The following POLN variants were observed in gnomAD, a reference collection of about 807,000 sequenced individuals.
POLN encodes DNA polymerase N.
POLN carries 108 observed loss-of-function variants against 113.5 expected under a neutral mutation model. The observed-to-expected ratio is 0.95, with a 90% CI of 0.81 to 1.12. POLN has a LOEUF of 1.12. POLN is among the 50% of genes most tolerant of loss of function. The pLI is 0.00. For synonymous variants in POLN, 386 were observed against 391.5 expected (o/e 0.99, Z 0.17); for missense variants, 1,097 against 1,077.1 (o/e 1.02, Z -0.26).
intron 6 of POLN, among the ~76,000 whole-genome samples, chr4:2,194,950 A>C (rs1392104785): frequency 1.3e-5 from 2 of 151,516 alleles, no homozygotes; most frequent in Non-Finnish European, 2.9e-5. Context: ...ACATACATAT[A>C]TATATTTATA....
chr4:2,174,029 G>A lies in POLN; in HGVS notation c.1310-10C>T, dbSNP rs757958764. Reference sequence around the variant, plus strand: ...GCATGGCTTTCCATCACTGTGATTCGAAACCCAAACCAGATCATATTTGCA... The same window carrying A: ...GCATGGCTTTCCATCACTGTGATTCAAAACCCAAACCAGATCATATTTGCA... On this transcript the variant is annotated splice_polypyrimidine_tract_variant and intron_variant, in intron 10 of 25. Coordinates refer to ENST00000511885, the MANE Select transcript of POLN (RefSeq NM_181808.4). 1.6e-5 allele frequency: 26 copies of A among 1,613,630 alleles called. No homozygotes were observed. Among genetic ancestry groups the A allele is most frequent in the East Asian group, 8.9e-5 (4 of 44,876 alleles).
chr4:2,137,766 A>G (rs764736477), intron 16 of POLN, among the ~76,000 whole-genome samples: 1 of 151,902 alleles, frequency 6.6e-6, no homozygotes, highest in Non-Finnish European at 1.5e-5. Flanking sequence ...ATCGTTTCTC[A>G]TTCCACATGC....
At position 2,195,388 on chromosome 4, in the gene POLN, C is replaced by T. The variant is rs553609536; in HGVS notation, c.909-2072G>A. 2.6e-5 allele frequency among the ~76,000 whole-genome samples: 4 copies of T among 151,006 alleles called. No homozygotes were observed. In the South Asian group the frequency reaches 8.4e-4, roughly 32 times the overall value. On this transcript the variant is annotated intron_variant, in intron 6 of 25. Transcript: ENST00000511885. The stretch of plus-strand genomic sequence containing the variant: ...CACACTACTGAACACAAATGAAAGT[C>T]ATGTGGTGGGGTTGGCAGTGGGGTA...
chr4:2,187,106 A>G (rs190947321), intron 7 of POLN, among the ~76,000 whole-genome samples: 1 of 152,316 alleles, frequency 6.6e-6, no homozygotes, highest in Non-Finnish European at 1.5e-5. Flanking sequence ...AAGGACACCT[A>G]TAAGATATAG....
At chr4:2,200,652 C>T (rs1444321641) in intron 5 of POLN, among the ~76,000 whole-genome samples, 1 of 152,120 alleles carries the variant, frequency 6.6e-6, no homozygotes, top group Non-Finnish European at 1.5e-5. Flanking sequence ...AGCCACATCC[C>T]TAGGAAAATG....
At chr4:2,090,248 A>G (rs985520835) in intron 20 of POLN, 46 of 799,646 alleles carry the variant, frequency 5.8e-5, no homozygotes, top group Non-Finnish European at 8.6e-5. Context: ...TCTACATGCT[A>G]TCTTGTTCCA....
intron 23 of POLN, among the ~76,000 whole-genome samples, chr4:2,077,706 A>C (rs1354829743): frequency 6.6e-6 from 1 of 152,226 alleles, no homozygotes; most frequent in Non-Finnish European, 1.5e-5. Flanking sequence ...TCTTGAAATT[A>C]CATTGTGAAA....
intron 23 of POLN, chr4:2,080,002 T>C: frequency 5.1e-6 from 5 of 985,440 alleles, no homozygotes; most frequent in Non-Finnish European, 6.0e-6. Context: ...GGGCAGTGCT[T>C]AGACCCCCAC....
chr4:2,224,190 C>T (rs1373770649), intron 3 of POLN, among the ~76,000 whole-genome samples: 1 of 152,002 alleles, frequency 6.6e-6, no homozygotes, highest in Non-Finnish European at 1.5e-5. Context: ...AAAACTAAGA[C>T]ACACACACAC....
In POLN at chr4:2,129,377, C is replaced by A. The variant is rs549047888; in HGVS notation, c.1790-121G>T. On this transcript the variant is annotated intron_variant, in intron 17 of 25. Transcript: ENST00000511885. Reference sequence around the variant, plus strand: ...CCAGAGTTAAGATTTTAAATTTTTCCGAATATTTTTATTAATTTAATTATT... The same window carrying A: ...CCAGAGTTAAGATTTTAAATTTTTCAGAATATTTTTATTAATTTAATTATT... 15 of 641,864 alleles carry A rather than the reference C, an allele frequency of 2.3e-5. No individual in the cohort carries two copies. In the East Asian group the frequency reaches 4.2e-4, roughly 18 times the overall value. 39.8% of individuals were successfully genotyped at this position (641,864 alleles called of 1,614,324 possible).
chr4:2,188,598 C>T (rs1733343472), intron 7 of POLN, among the ~76,000 whole-genome samples: 1 of 150,352 alleles, frequency 6.7e-6, no homozygotes, highest in Non-Finnish European at 1.5e-5. Flanking sequence ...GAGACTCCAT[C>T]TCAAAAAAAA....
chr4:2,118,166 C>T (rs1273574076), intron 19 of POLN, among the ~76,000 whole-genome samples: 1 of 152,148 alleles, frequency 6.6e-6, no homozygotes, highest in African/African-American at 2.4e-5. Context: ...AAACTTTTAC[C>T]CTTTTTTACT....
intron 13 of POLN, among the ~76,000 whole-genome samples, chr4:2,163,271 G>C (rs1462389018): frequency 2.0e-5 from 3 of 152,184 alleles, no homozygotes; most frequent in African/African-American, 7.2e-5. Flanking sequence ...GCTATCCCTA[G>C]GTGGGTGAAA....
intron 16 of POLN, among the ~76,000 whole-genome samples, chr4:2,153,790 A>G (rs1259672895): frequency 6.6e-6 from 1 of 151,832 alleles, no homozygotes; most frequent in Non-Finnish European, 1.5e-5. Context: ...TTCACTGTGT[A>G]AGCCAGAATG....
At chr4:2,235,687 C>G (rs1215971625) in intron 2 of POLN, among the ~76,000 whole-genome samples, 1 of 152,096 alleles carries the variant, frequency 6.6e-6, no homozygotes, top group Non-Finnish European at 1.5e-5. Context: ...TATACCACCA[C>G]CAGTATAATA....
intron 19 of POLN, among the ~76,000 whole-genome samples, chr4:2,100,741 T>C (rs374565001): frequency 6.6e-6 from 1 of 152,082 alleles, no homozygotes; most frequent in Non-Finnish European, 1.5e-5. Flanking sequence ...GGAGTAAAAA[T>C]AGATAAATCA....
Position 2,085,557 on chromosome 4 carries a change from C to G in POLN, c.2197+56G>C. On this transcript the variant is annotated intron_variant, in intron 21 of 25. Transcript: ENST00000511885. ...CACACCAACCACGCAGCTGTCCCCC[C>G]ATCCTCCCACAGAGGGTTGGCAGGG... 3.1e-6 allele frequency: 5 copies of G among 1,602,644 alleles called. No individual in the cohort carries two copies. The South Asian group carries it at 4.4e-5, about 14-fold the overall frequency.
At chr4:2,081,302 G>C (rs1730411395) in intron 22 of POLN, 5 of 1,002,672 alleles carry the variant, frequency 5.0e-6, no homozygotes, top group Non-Finnish European at 7.3e-6. Flanking sequence ...GAGGATGGAA[G>C]GGCCTAGGCC....
chr4:2,134,780 C>T (rs1407346320), intron 16 of POLN, among the ~76,000 whole-genome samples: 1 of 152,196 alleles, frequency 6.6e-6, no homozygotes, highest in Non-Finnish European at 1.5e-5. Context: ...CTGATCACAA[C>T]GTTGAACAGC....
Sources: allele counts gnomAD v4.1 joint callset (sites outside exome capture counted in the v4.1 genomes callset), GRCh38; gene constraint gnomAD v4.1.1; transcripts MANE v1.5; gene names NCBI Gene and HGNC (gene_info 2026-07-23, HGNC 2026-07-21).